Variants in C3orf70 observed in about 807,000 individuals in gnomAD.
C3orf70 encodes UPF0524 protein C3orf70.
A neutral mutation model predicts 20.7 loss-of-function variants in C3orf70; 15 were observed. The ratio of observed to expected loss-of-function variants is 0.72; its 90% CI spans 0.48 to 1.11. C3orf70 has a LOEUF of 1.11. Among genes scored for constraint, C3orf70 ranks in the 50% most tolerant of loss-of-function variants. The probability of loss-of-function intolerance (pLI) is 0.00; values close to 1 mark genes in which losing one functional copy is unlikely to be tolerated. For missense variants in C3orf70, 332 were observed against 317.6 expected, an observed-to-expected ratio of 1.05 and a Z score of -0.34; for synonymous variants, 161 against 125.7, an observed-to-expected ratio of 1.28 and a Z score of -1.88.
At chr3:185,089,620 CTTA>C (rs777393688) in intron 1 of C3orf70, among the ~76,000 whole-genome samples, 69 of 152,168 alleles carry the variant, frequency 4.5e-4, no homozygotes, top group Admixed American at 8.5e-4. Context: ...AAGATAATAC[CTTA>C]TTATAGTATC....
chr3:185,084,248 C>A (rs552949738), intron 1 of C3orf70, among the ~76,000 whole-genome samples: 59 of 151,282 alleles, frequency 3.9e-4, no homozygotes, highest in African/African-American at 1.3e-3. Flanking sequence ...CCATGTTTAT[C>A]TCTAATAATG....
rs1715280335 is a variant in C3orf70 at position 185,079,320 on chromosome 3, C to T, written c.*3687G>A. 6.9e-6 allele frequency: 1 copy of T among 145,374 alleles called. No individual in the cohort carries two copies. Among genetic ancestry groups the T allele is most frequent in the Non-Finnish European group, 1.5e-5 (1 of 65,232 alleles). The allele number at this position is 145,374 out of a possible 1,614,324, so 9.0% of individuals were successfully genotyped here. On this transcript the variant is annotated 3_prime_UTR_variant, in exon 2 of 2. Transcript: ENST00000335012. ...AAAAAAAAAAGTAAAGCCACCACTC[C>T]CAAGATAGAATCAAATCCAAAAAGT...
chr3:185,102,092 G>A (rs1271093212), intron 1 of C3orf70, among the ~76,000 whole-genome samples: 2 of 152,120 alleles, frequency 1.3e-5, no homozygotes, highest in South Asian at 2.1e-4. Context: ...GAGAAAGAAT[G>A]AAAGGGCATC....
Position 185,091,027 on chromosome 3 carries a change from T to C in C3orf70, c.197-7464A>G, listed in dbSNP as rs145664057. ...TATTTACTCAGCTAGCAAATCCTTATTGCATATCTACCATGTTTATGCTAC... is the reference window on the plus strand; with the variant it reads ...TATTTACTCAGCTAGCAAATCCTTACTGCATATCTACCATGTTTATGCTAC... On this transcript the variant is annotated intron_variant, in intron 1 of 1. Transcript: ENST00000335012. Among the ~76,000 whole-genome samples the C allele has an allele frequency of 4.0e-4, 61 of 152,296 alleles. 1 individual carries two copies. The highest frequency in any genetic ancestry group is 1.4e-3 in the African/African-American group (60 of 41,554).
At chr3:185,124,729 A>G (rs1026107937) in intron 1 of C3orf70, among the ~76,000 whole-genome samples, 1 of 152,242 alleles carries the variant, frequency 6.6e-6, no homozygotes, top group African/African-American at 2.4e-5. Context: ...ACAGTGTAAG[A>G]AAATGAAAAT....
At chr3:185,137,391 T>C (rs999792680) in intron 1 of C3orf70, among the ~76,000 whole-genome samples, 3 of 152,134 alleles carry the variant, frequency 2.0e-5, no homozygotes, top group Non-Finnish European at 2.9e-5. Context: ...ACAGAACATA[T>C]AGACAGAAAA....
rs578230222 is a variant in C3orf70 at position 185,140,778 on chromosome 3, G to A, written c.196+11850C>T. Reference sequence around the variant, plus strand: ...AGCCTGGCCATCATGGTGAAACCCCGTCTCTACTAAAAAAAAAAAAAAAAA... The same window carrying A: ...AGCCTGGCCATCATGGTGAAACCCCATCTCTACTAAAAAAAAAAAAAAAAA... On this transcript the variant is annotated intron_variant, in intron 1 of 1. Coordinates refer to ENST00000335012, the MANE Select transcript of C3orf70 (RefSeq NM_001025266.3). Among the ~76,000 whole-genome samples the A allele has an allele frequency of 2.7e-3, 376 of 141,348 alleles. 1 individual carries two copies. Among genetic ancestry groups the A allele is most frequent in the African/African-American group, 9.6e-3 (366 of 37,944 alleles). The allele number at this position is 141,348 out of a possible 152,430, so 92.7% of individuals were successfully genotyped here.
chr3:185,086,905 CAG>C (rs1385346978), intron 1 of C3orf70, among the ~76,000 whole-genome samples: 1 of 152,130 alleles, frequency 6.6e-6, no homozygotes, highest in Non-Finnish European at 1.5e-5. Flanking sequence ...TTTATAAACA[CAG>C]AAATAATTAA....
rs1491253836 is a variant in C3orf70 at position 185,077,787 on chromosome 3, GGT to G, written c.*5218_*5219del. The stretch of plus-strand genomic sequence containing the variant: ...TGTGAAATAAATGCTATTTGGTGGT[GGT>G]GGGGGGGGGGTATCAAGTTTTATTT... On this transcript the variant is annotated 3_prime_UTR_variant, in exon 2 of 2. Coordinates refer to ENST00000335012, the MANE Select transcript of C3orf70 (RefSeq NM_001025266.3). 0.013 allele frequency among the ~76,000 whole-genome samples: 1,544 copies of G among 122,428 alleles called. 12 individuals carry two copies. The highest frequency in any genetic ancestry group is 0.019 in the African/African-American group (517 of 26,966). 80.3% of individuals were successfully genotyped at this position (122,428 alleles called of 152,430 possible). A position where few individuals can be genotyped will look rare whatever the true frequency, so the allele number is the denominator to read the frequency against.
chr3:185,100,349 T>C (rs556393872), intron 1 of C3orf70, among the ~76,000 whole-genome samples: 1 of 152,210 alleles, frequency 6.6e-6, no homozygotes, highest in East Asian at 1.9e-4. Context: ...AACCACACTC[T>C]CGGACCACAG....
At chr3:185,110,546 G>GCCCCC (rs1561345408) in intron 1 of C3orf70, among the ~76,000 whole-genome samples, 2 of 149,552 alleles carry the variant, frequency 1.3e-5, no homozygotes, top group African/African-American at 5.1e-5. Flanking sequence ...GTTAGGAGCA[G>GCCCCC]GCCCCCCCTC....
intron 1 of C3orf70, among the ~76,000 whole-genome samples, chr3:185,091,880 A>AAT (rs1715578879): frequency 1.6e-5 from 2 of 123,974 alleles, no homozygotes; most frequent in African/African-American, 3.1e-5. Flanking sequence ...ATATATATAT[A>AAT]ATATATATAC....
chr3:185,115,446 T>G (rs1716155677), intron 1 of C3orf70, among the ~76,000 whole-genome samples: 1 of 152,216 alleles, frequency 6.6e-6, no homozygotes, highest in African/African-American at 2.4e-5. Context: ...TCTCCTTCCC[T>G]GATGTATCCT....
intron 1 of C3orf70, among the ~76,000 whole-genome samples, chr3:185,138,448 TA>T (rs1241237784): frequency 2.0e-5 from 3 of 149,790 alleles, no homozygotes; most frequent in East Asian, 1.9e-4. Context: ...ACAGTAATAA[TA>T]AAAAAAAAAA....
chr3:185,146,571 A>T (rs1450021963), intron 1 of C3orf70, among the ~76,000 whole-genome samples: 1 of 152,182 alleles, frequency 6.6e-6, no homozygotes, highest in East Asian at 1.9e-4. Flanking sequence ...TACAGGCGTG[A>T]GCCACCATGC....
chr3:185,148,738 T>C (rs1473465208), intron 1 of C3orf70, among the ~76,000 whole-genome samples: 1 of 152,222 alleles, frequency 6.6e-6, no homozygotes, highest in Non-Finnish European at 1.5e-5. Flanking sequence ...AGCTTAATAA[T>C]CTATTTTTGA....
intron 1 of C3orf70, among the ~76,000 whole-genome samples, chr3:185,093,503 A>G (rs1336548471): frequency 1.3e-5 from 2 of 152,224 alleles, no homozygotes; most frequent in Non-Finnish European, 2.9e-5. Context: ...TATTTTAACA[A>G]GCAACCACCA....
chr3:185,115,593 G>GC (rs1445629851), intron 1 of C3orf70, among the ~76,000 whole-genome samples: 1 of 152,168 alleles, frequency 6.6e-6, no homozygotes, highest in Non-Finnish European at 1.5e-5. Flanking sequence ...GCTTGGCTCA[G>GC]CACCCTCCTT....
intron 1 of C3orf70, among the ~76,000 whole-genome samples, chr3:185,143,044 T>A (rs1302202019): frequency 6.6e-6 from 1 of 152,204 alleles, no homozygotes; most frequent in South Asian, 2.1e-4. Flanking sequence ...TTTTATAAAG[T>A]CATTTTCTTT....
Sources: gnomAD v4.1 joint callset for allele counts (sites outside exome capture counted in the v4.1 genomes callset) on GRCh38, gnomAD v4.1.1 for gene constraint, MANE v1.5 for transcripts, NCBI Gene and HGNC (gene_info 2026-07-23, HGNC 2026-07-21) for gene names.